Variants in RGPD2 observed in about 807,000 individuals in gnomAD.
RGPD2 encodes RANBP2 like and GRIP domain containing 2.
In RGPD2, 2 loss-of-function variants were observed where a neutral mutation model predicts 36.0. That is an observed-to-expected ratio of 0.06 (90% confidence interval 0.02 to 0.17). The LOEUF is 0.17. Among genes scored for constraint, RGPD2 ranks in the 10% least tolerant of loss-of-function variants. RGPD2 has a pLI of 1.00. For missense variants in RGPD2, 40 were observed against 464.3 expected (o/e 0.09, Z 8.40); for synonymous variants, 19 against 163.8 (o/e 0.12, Z 6.75).
the RGPD2 span, among the ~76,000 whole-genome samples, chr2:87,943,604 T>C: frequency 1.4e-4 from 22 of 151,994 alleles, no homozygotes; most frequent in Non-Finnish European, 2.5e-4. Flanking sequence ...CTTTACTCTG[T>C]TGATTGTTTC....
chr2:87,988,541 A>ATATATATATATATATAT, the RGPD2 span, among the ~76,000 whole-genome samples: 599 of 54,040 alleles, frequency 0.011, 29 homozygotes, highest in East Asian at 0.071. Flanking sequence ...ATATATATAT[A>ATATATATATATATATAT]TTTTTTTTTT....
chr2:87,915,123 G>A, the RGPD2 span, among the ~76,000 whole-genome samples: 2 of 151,342 alleles, frequency 1.3e-5, no homozygotes, highest in African/African-American at 4.9e-5. Context: ...CTCCAGCCTG[G>A]GCAACAAGAG....
chr2:87,972,190 C>T, the RGPD2 span, among the ~76,000 whole-genome samples: 1 of 151,728 alleles, frequency 6.6e-6, no homozygotes, highest in Non-Finnish European at 1.5e-5. Flanking sequence ...AACACTATCA[C>T]ATAAGCATTA....
the RGPD2 span, among the ~76,000 whole-genome samples, chr2:87,890,190 CATGGT>C: frequency 1.1e-5 from 1 of 95,122 alleles, no homozygotes; most frequent in Non-Finnish European, 2.0e-5. Flanking sequence ...AAAGACTGCA[CATGGT>C]ATTACTCTGT....
chr2:87,775,973 ATTTG>A (rs1295646096), intron 20 of RGPD2, among the ~76,000 whole-genome samples: 1 of 1,888 alleles, frequency 5.3e-4, no homozygotes. Context: ...TTTAAAAAAG[ATTTG>A]TTTAATAATT....
At chr2:87,885,012 C>G in the RGPD2 span, among the ~76,000 whole-genome samples, 1 of 152,144 alleles carries the variant, frequency 6.6e-6, no homozygotes, top group Non-Finnish European at 1.5e-5. Context: ...GCTAATATAA[C>G]TGATAAACAT....
chr2:87,973,956 C>T, the RGPD2 span, among the ~76,000 whole-genome samples: 2 of 152,110 alleles, frequency 1.3e-5, no homozygotes, highest in Non-Finnish European at 2.9e-5. Context: ...AATTAACATT[C>T]CTGTGTCTGA....
At chr2:87,986,804 C>T in the RGPD2 span, among the ~76,000 whole-genome samples, 1,123 of 150,520 alleles carry the variant, frequency 7.5e-3, 15 homozygotes, top group African/African-American at 0.026. Flanking sequence ...CACCTGAACC[C>T]GGGAGGCAGA....
intron 1 of RGPD2, among the ~76,000 whole-genome samples, 158 bp downstream of exon 1, chr2:87,825,500 G>A (rs1327979407): frequency 3.6e-5 from 2 of 55,866 alleles, no homozygotes; most frequent in Non-Finnish European, 7.0e-5. Flanking sequence ...GCCCGGCCGA[G>A]GCCGAGGCCG....
the RGPD2 span, among the ~76,000 whole-genome samples, chr2:87,927,730 C>G: frequency 6.6e-6 from 1 of 150,892 alleles, no homozygotes; most frequent in African/African-American, 2.4e-5. Context: ...AAATGGAAAC[C>G]TACTTATAGT....
chr2:87,923,171 C>T, the RGPD2 span, among the ~76,000 whole-genome samples: 3 of 151,804 alleles, frequency 2.0e-5, no homozygotes, highest in Non-Finnish European at 2.9e-5. Context: ...GACTGGAGGG[C>T]AGGAGAATGA....
upstream of RGPD2, among the ~76,000 whole-genome samples, chr2:87,830,184 G>A (rs1672443366): frequency 2.0e-5 from 3 of 152,068 alleles, no homozygotes; most frequent in Non-Finnish European, 4.4e-5. Flanking sequence ...ACTGATGCAA[G>A]AGGTAGGCTC....
At chr2:87,965,072 T>C in the RGPD2 span, among the ~76,000 whole-genome samples, 2 of 147,132 alleles carry the variant, frequency 1.4e-5, no homozygotes, top group South Asian at 4.4e-4. Flanking sequence ...GTTTTTGTGA[T>C]TTTCTGTTTA....
At chr2:87,815,127 A>G (rs981257511) in intron 4 of RGPD2, among the ~76,000 whole-genome samples, 4 of 147,352 alleles carry the variant, frequency 2.7e-5, no homozygotes, top group African/African-American at 1.1e-4. Flanking sequence ...GAATCTACAC[A>G]TGATAAAATG....
upstream of RGPD2, among the ~76,000 whole-genome samples, chr2:87,827,012 C>T (rs1214253869): frequency 2.8e-5 from 4 of 145,086 alleles, no homozygotes; most frequent in Non-Finnish European, 6.0e-5. Flanking sequence ...GAAGTAGAAT[C>T]TAATCTAATA....
chr2:87,824,204 T>C (rs1318363178), intron 1 of RGPD2, among the ~76,000 whole-genome samples: 4 of 150,736 alleles, frequency 2.7e-5, no homozygotes, highest in African/African-American at 4.9e-5. Context: ...GTATTTTTAA[T>C]AGAGACGGAT....
the RGPD2 span, chr2:87,985,805 G>C: frequency 1.6e-5 from 26 of 1,611,144 alleles, no homozygotes; most frequent in Non-Finnish European, 2.0e-5. Context: ...TCCACTCTGA[G>C]TGATAACTGG....
chr2:87,760,617 CTT>C (rs1167386408), intron 22 of RGPD2, among the ~76,000 whole-genome samples: 2 of 10,498 alleles, frequency 1.9e-4, no homozygotes, highest in Non-Finnish European at 2.3e-4. Context: ...GTTTCTTTCT[CTT>C]TTTTTTTTTT....
chr2:87,827,021 T>C (rs1451543807), upstream of RGPD2, among the ~76,000 whole-genome samples: 1 of 147,196 alleles, frequency 6.8e-6, no homozygotes, highest in Non-Finnish European at 1.5e-5. Context: ...TCTAATCTAA[T>C]ATAGCCTCTT....
Sources: allele counts gnomAD v4.1 joint callset (sites outside exome capture counted in the v4.1 genomes callset), GRCh38; gene constraint gnomAD v4.1.1; transcripts MANE v1.5; gene names NCBI Gene and HGNC (gene_info 2026-07-23, HGNC 2026-07-21).